Variants in ESRRG observed in about 807,000 individuals in gnomAD.
ESRRG encodes estrogen related receptor gamma.
A neutral mutation model predicts 44.0 loss-of-function variants in ESRRG; 13 were observed. The ratio of observed to expected loss-of-function variants is 0.30; its 90% CI spans 0.19 to 0.47. The LOEUF is 0.47. ESRRG is among the 20% of genes least tolerant of loss of function. The pLI is 1.00. For synonymous variants in ESRRG, 215 were observed against 214.6 expected, an observed-to-expected ratio of 1.00 and a Z score of -0.02; for missense variants, 395 against 580.6, an observed-to-expected ratio of 0.68 and a Z score of 3.29.
chr1:216,954,192 T>G (rs2067503705), intron 1 of ESRRG, among the ~76,000 whole-genome samples: 1 of 152,062 alleles, frequency 6.6e-6, no homozygotes. Context: ...TTAATATGAG[T>G]GCAATCAGTA....
intron 1 of ESRRG, among the ~76,000 whole-genome samples, chr1:216,960,473 T>TGTA (rs2068812558): frequency 6.6e-6 from 1 of 152,208 alleles, no homozygotes; most frequent in African/African-American, 2.4e-5. Context: ...GAGGTATTGT[T>TGTA]TAGATTATTT....
intron 2 of ESRRG, among the ~76,000 whole-genome samples, chr1:216,758,657 T>A (rs976157027): frequency 6.6e-6 from 1 of 152,032 alleles, no homozygotes; most frequent in Non-Finnish European, 1.5e-5. Context: ...AAATTCTTTT[T>A]CAGGTTGGCG....
intron 2 of ESRRG, among the ~76,000 whole-genome samples, chr1:216,662,846 G>C (rs1241767999): frequency 2.6e-5 from 4 of 152,160 alleles, no homozygotes; most frequent in African/African-American, 9.7e-5. Context: ...AGCAGCCACA[G>C]ACCATACTAG....
upstream of ESRRG, among the ~76,000 whole-genome samples, chr1:217,090,960 C>T (rs2092334468): frequency 6.6e-6 from 1 of 152,154 alleles, no homozygotes; most frequent in South Asian, 2.1e-4. Context: ...GGTGTGGCCA[C>T]ATGGCAGGTA....
At position 216,505,084 on chromosome 1, in the gene ESRRG, C is replaced by T. The variant is rs1459311737; in HGVS notation, c.*1855G>A. On this transcript the variant is annotated 3_prime_UTR_variant, in exon 7 of 7. Transcript: ENST00000408911. ...CATGAAACATTGAAAAGCTGAACTACATTTCTTTTGTTTGTTAGGATTACA... is the reference window on the plus strand; with the variant it reads ...CATGAAACATTGAAAAGCTGAACTATATTTCTTTTGTTTGTTAGGATTACA... The T allele has an allele frequency of 1.3e-5, 2 of 152,598 alleles. No homozygotes were observed. The highest frequency in any genetic ancestry group is 2.9e-5 in the Non-Finnish European group (2 of 68,020). The allele number at this position is 152,598 out of a possible 1,614,324, so 9.5% of individuals were successfully genotyped here. A position where few individuals can be genotyped will look rare whatever the true frequency, so the allele number is the denominator to read the frequency against.
chr1:217,123,059 T>C (rs1042610122), intron 1 of ESRRG, among the ~76,000 whole-genome samples: 3 of 152,104 alleles, frequency 2.0e-5, no homozygotes, highest in African/African-American at 7.2e-5. Flanking sequence ...AGAGCAACTA[T>C]TTGATCCCAA....
chr1:216,731,464 T>G (rs560812751), intron 2 of ESRRG, among the ~76,000 whole-genome samples: 111 of 152,354 alleles, frequency 7.3e-4, no homozygotes, highest in African/African-American at 2.6e-3. Context: ...AAACAAGACC[T>G]GTGTGTTTTG....
intron 2 of ESRRG, among the ~76,000 whole-genome samples, chr1:216,795,133 G>A (rs765165275): frequency 6.6e-6 from 1 of 152,064 alleles, no homozygotes; most frequent in Non-Finnish European, 1.5e-5. Flanking sequence ...GACAAAGACT[G>A]CTTACTTCTC....
chr1:217,128,056 T>C (rs1432815198), intron 1 of ESRRG, among the ~76,000 whole-genome samples: 1 of 152,140 alleles, frequency 6.6e-6, no homozygotes, highest in Non-Finnish European at 1.5e-5. Context: ...CACAGGTACT[T>C]AGGCAGTATC....
At chr1:216,950,682 TTTTA>T (rs775716708) in intron 1 of ESRRG, among the ~76,000 whole-genome samples, 2 of 152,210 alleles carry the variant, frequency 1.3e-5, no homozygotes, top group East Asian at 1.9e-4. Flanking sequence ...CTGTCCTATA[TTTTA>T]TTTGTCTATT....
At chr1:216,955,445 A>C (rs1485866868) in intron 1 of ESRRG, among the ~76,000 whole-genome samples, 2 of 152,116 alleles carry the variant, frequency 1.3e-5, no homozygotes, top group Non-Finnish European at 2.9e-5. Context: ...TAATTCCTTA[A>C]TGGTCATTTA....
intron 2 of ESRRG, among the ~76,000 whole-genome samples, chr1:216,675,619 G>A (rs980907491): frequency 2.0e-5 from 3 of 152,084 alleles, no homozygotes; most frequent in Non-Finnish European, 4.4e-5. Flanking sequence ...TAGAGCAGGG[G>A]GTCTAAATTT....
At chr1:217,039,897 T>C (rs933527592) in intron 1 of ESRRG, among the ~76,000 whole-genome samples, 4 of 152,118 alleles carry the variant, frequency 2.6e-5, no homozygotes, top group Admixed American at 2.6e-4. Flanking sequence ...CTATACACAG[T>C]CACAAAGTAA....
chr1:217,034,559 A>C (rs2082557190), intron 1 of ESRRG, among the ~76,000 whole-genome samples: 3 of 152,208 alleles, frequency 2.0e-5, no homozygotes, highest in Admixed American at 2.0e-4. Context: ...CTCTGGCCAC[A>C]AAACAATTAA....
intron 2 of ESRRG, among the ~76,000 whole-genome samples, chr1:216,762,282 A>ATAGC (rs2092821893): frequency 6.6e-6 from 1 of 152,046 alleles, no homozygotes; most frequent in South Asian, 2.1e-4. Flanking sequence ...ATTATTCACA[A>ATAGC]TAGCAAAGAC....
chr1:216,728,534 C>G (rs1286461457), intron 2 of ESRRG, among the ~76,000 whole-genome samples: 1 of 151,874 alleles, frequency 6.6e-6, no homozygotes, highest in African/African-American at 2.4e-5. Flanking sequence ...GATAGAGAAG[C>G]AGGGGGAAGT....
intron 1 of ESRRG, among the ~76,000 whole-genome samples, chr1:217,066,609 T>C (rs1237462652): frequency 6.6e-6 from 1 of 152,192 alleles, no homozygotes; most frequent in Non-Finnish European, 1.5e-5. Context: ...AGCTACCTAC[T>C]TTCTCTCTTA....
At chr1:217,042,090 G>T (rs984093141) in intron 1 of ESRRG, among the ~76,000 whole-genome samples, 2 of 152,126 alleles carry the variant, frequency 1.3e-5, no homozygotes, top group Non-Finnish European at 2.9e-5. Context: ...TAATAGGTGG[G>T]CTTGCTCTAA....
At chr1:216,975,657 ATCTC>A (rs2072723163) in intron 1 of ESRRG, among the ~76,000 whole-genome samples, 1 of 152,228 alleles carries the variant, frequency 6.6e-6, no homozygotes, top group African/African-American at 2.4e-5. Flanking sequence ...TATAGTCTGC[ATCTC>A]TACTTTTAAG....
Sources: allele counts gnomAD v4.1 joint callset (sites outside exome capture counted in the v4.1 genomes callset), GRCh38; gene constraint gnomAD v4.1.1; transcripts MANE v1.5; gene names NCBI Gene and HGNC (gene_info 2026-07-23, HGNC 2026-07-21).